RAI14: variants seen among roughly 807,000 people sequenced by gnomAD.
RAI14 encodes the protein ankycorbin.
Under a neutral mutation model 115.4 loss-of-function variants are expected in RAI14, and 45 were observed. That is an observed-to-expected ratio of 0.39 (90% CI 0.31 to 0.50). The LOEUF is 0.50. RAI14 is among the 20% of genes least tolerant of loss of function. The probability of loss-of-function intolerance (pLI) is 0.85; values close to 1 mark genes in which losing one functional copy is unlikely to be tolerated. For missense variants in RAI14, 939 were observed against 1,131.2 expected (o/e 0.83, Z 2.44); for synonymous variants, 371 against 415.4 (o/e 0.89, Z 1.30).
chr5:34,740,406 G>A (rs1367150919), intron 2 of RAI14, among the ~76,000 whole-genome samples: 3 of 152,096 alleles, frequency 2.0e-5, no homozygotes, highest in Non-Finnish European at 4.4e-5. Context: ...CTGGCTACTT[G>A]GCATCTAGTT....
chr5:34,829,749 C>T lies in RAI14; in HGVS notation c.2817C>T (p.His939=). 6.2e-7 allele frequency: 1 copy of T among 1,611,608 alleles called. No individual in the cohort carries two copies. The highest frequency in any genetic ancestry group is 8.5e-7 in the Non-Finnish European group (1 of 1,178,354). ...CTTTCTAGGAATGCAAGAAACAACA[C>T]CAGGAGGTCATATCAGTTTACAGAA... ...QNQLAECKKQ[H]QEVISVYRMH... is the part of the protein sequence containing the mutation. Residue 939 remains histidine (H), a synonymous_variant, in exon 17 of 18, where the codon CAC becomes CAT. Coordinates refer to ENST00000265109, the MANE Select transcript of RAI14 (RefSeq NM_015577.3).
intron 17 of RAI14, 190 bp downstream of exon 17, chr5:34,829,987 G>C: frequency 1.9e-6 from 1 of 537,884 alleles, no homozygotes; most frequent in Non-Finnish European, 3.3e-6. Flanking sequence ...TGTTTACCAG[G>C]AACAGCCCCA....
intron 2 of RAI14, among the ~76,000 whole-genome samples, chr5:34,723,776 CAT>C (rs1743104980): frequency 1.3e-5 from 2 of 152,274 alleles, no homozygotes; most frequent in Admixed American, 1.3e-4. Context: ...TGTTTTAATA[CAT>C]GAGTGAGTTG....
intron 2 of RAI14, among the ~76,000 whole-genome samples, chr5:34,747,342 A>G (rs936979353): frequency 6.6e-6 from 1 of 152,258 alleles, no homozygotes; most frequent in Non-Finnish European, 1.5e-5. Flanking sequence ...TAATTTTAGT[A>G]GTAATGGTAT....
At chr5:34,720,255 T>G (rs980236415) in intron 2 of RAI14, among the ~76,000 whole-genome samples, 3 of 152,172 alleles carry the variant, frequency 2.0e-5, no homozygotes, top group Admixed American at 6.5e-5. Context: ...TTTAAAAATG[T>G]ATATGTATCA....
At chr5:34,728,770 G>A (rs1339078312) in intron 2 of RAI14, 1 of 151,464 alleles carries the variant, frequency 6.6e-6, no homozygotes, top group African/African-American at 2.4e-5. Context: ...AAAAAAAAAT[G>A]TTTAAAAATT....
intron 2 of RAI14, among the ~76,000 whole-genome samples, chr5:34,710,149 A>G (rs890061311): frequency 6.6e-6 from 1 of 152,224 alleles, no homozygotes; most frequent in Non-Finnish European, 1.5e-5. Flanking sequence ...TGGGCGGCTT[A>G]GAACAACTGA....
At chr5:34,782,366 A>C (rs2150164899) in intron 3 of RAI14, among the ~76,000 whole-genome samples, 1 of 152,282 alleles carries the variant, frequency 6.6e-6, no homozygotes, top group South Asian at 2.1e-4. Flanking sequence ...GCATCTGCAG[A>C]CTATACAGAG....
chr5:34,776,464 G>A (rs1013324817), intron 3 of RAI14, among the ~76,000 whole-genome samples: 2 of 152,044 alleles, frequency 1.3e-5, no homozygotes, highest in African/African-American at 2.4e-5. Context: ...TTGAAGTGGA[G>A]GATACCCCCA....
intron 3 of RAI14, among the ~76,000 whole-genome samples, chr5:34,783,232 C>T (rs553346445): frequency 2.6e-5 from 4 of 152,312 alleles, no homozygotes; most frequent in East Asian, 1.9e-4. Context: ...CTCTGGTTTT[C>T]TTCTGCCATT....
intron 2 of RAI14, among the ~76,000 whole-genome samples, chr5:34,729,917 A>AT (rs35423771): frequency 6.6e-6 from 1 of 152,120 alleles, no homozygotes; most frequent in Non-Finnish European, 1.5e-5. Flanking sequence ...CACTAGTATA[A>AT]TTTTTTCTAA....
At chr5:34,758,247 T>C (rs1476361037) in intron 3 of RAI14, among the ~76,000 whole-genome samples, 2 of 152,256 alleles carry the variant, frequency 1.3e-5, no homozygotes, top group African/African-American at 4.8e-5. Context: ...ATGGAGATGG[T>C]ATTAGTTAAC....
intron 2 of RAI14, among the ~76,000 whole-genome samples, chr5:34,756,797 G>A (rs1205219232): frequency 3.3e-5 from 5 of 152,182 alleles, no homozygotes; most frequent in Non-Finnish European, 4.4e-5. Context: ...GTGCCTTACT[G>A]TTACTGTGGT....
At chr5:34,668,406 A>G (rs1466525818) in intron 1 of RAI14, among the ~76,000 whole-genome samples, 1 of 151,970 alleles carries the variant, frequency 6.6e-6, no homozygotes, top group East Asian at 1.9e-4. Context: ...AAAAAAAAAA[A>G]AAAGGTGGGC....
intron 3 of RAI14, among the ~76,000 whole-genome samples, chr5:34,792,235 C>CTTTTTTTTTTTTTT (rs55986330): frequency 2.4e-5 from 3 of 127,478 alleles, no homozygotes; most frequent in Non-Finnish European, 4.8e-5. Context: ...TTTCTTTTTT[C>CTTTTTTTTTTTTTT]TTTTTTTTTT....
At chr5:34,692,450 C>T (rs528725027) in intron 2 of RAI14, among the ~76,000 whole-genome samples, 9 of 151,988 alleles carry the variant, frequency 5.9e-5, no homozygotes, top group East Asian at 1.9e-4. Context: ...AAGTCTCTGG[C>T]GTGAACCTGG....
At chr5:34,750,848 ATTTTTTT>A (rs869028180) in intron 2 of RAI14, among the ~76,000 whole-genome samples, 2 of 83,638 alleles carry the variant, frequency 2.4e-5, no homozygotes, top group African/African-American at 5.4e-5. Context: ...TTGCTTTATC[ATTTTTTT>A]TTTTTTTTTT....
chr5:34,824,557 A>G, intron 15 of RAI14, 66 bp downstream of exon 15: 1 of 1,298,554 alleles, frequency 7.7e-7, no homozygotes, highest in Non-Finnish European at 1.0e-6. Flanking sequence ...CTTTTACTAT[A>G]TTAAATATTT....
At chr5:34,747,955 C>T (rs1055026425) in intron 2 of RAI14, among the ~76,000 whole-genome samples, 1 of 152,142 alleles carries the variant, frequency 6.6e-6, no homozygotes, top group African/African-American at 2.4e-5. Context: ...TTAATTACAA[C>T]CATGCCAAGG....
Sources: gnomAD v4.1 joint callset for allele counts (sites outside exome capture counted in the v4.1 genomes callset) on GRCh38, gnomAD v4.1.1 for gene constraint, MANE v1.5 for transcripts, NCBI Gene and HGNC (gene_info 2026-07-23, HGNC 2026-07-21) for gene names.